VPS13B: variants seen among roughly 807,000 people sequenced by gnomAD.
The protein encoded by VPS13B is vacuolar protein sorting 13 homolog B.
In VPS13B, 285 loss-of-function variants were observed where a neutral mutation model predicts 426.4. That is an observed-to-expected ratio of 0.67 (90% CI 0.61 to 0.74). The LOEUF (loss-of-function observed/expected upper bound fraction) is 0.74, where lower values mean the gene tolerates loss of function less well. VPS13B is among the 30% of genes least tolerant of loss of function. The pLI is 0.00. For synonymous variants in VPS13B, 1,676 were observed against 1,676.4 expected (o/e 1.00, Z 0.01); for missense variants, 4,537 against 4,782.6 (o/e 0.95, Z 1.51).
rs1817720406 is a variant in VPS13B, at chr8:99,442,425, T to C, written c.3235T>C (p.Phe1079Leu). Reference sequence around the variant, plus strand: ...GCTTGAAGTACAATCTTGTTGTGTGTTTATTCCAAATGATAGCCTGCCTTC... The same window carrying C: ...GCTTGAAGTACAATCTTGTTGTGTGCTTATTCCAAATGATAGCCTGCCTTC... ...LQLEVQSCCV[F>L]IPNDSLPSPS... Residue 1079 changes from phenylalanine (F) to leucine (L), a missense_variant, in exon 23 of 62, where the codon TTT (phenylalanine) becomes CTT (leucine). Phe to Leu is a conservative substitution (Grantham distance 22, BLOSUM62 0). This residue lies in a region of VPS13B where 4,311 missense variants were observed against 4,474.3 expected (regional missense o/e 0.96). Coordinates refer to ENST00000357162, the MANE Select transcript of VPS13B (RefSeq NM_152564.5). 1 of 1,613,966 alleles carries C rather than the reference T, an allele frequency of 6.2e-7. No individual in the cohort carries two copies. The highest frequency in any genetic ancestry group is 8.5e-7 in the Non-Finnish European group (1 of 1,179,870).
At chr8:99,530,444 A>AT (rs1294935305) in intron 30 of VPS13B, among the ~76,000 whole-genome samples, 1 of 151,944 alleles carries the variant, frequency 6.6e-6, no homozygotes, top group Non-Finnish European at 1.5e-5. Context: ...GTGAAACCCT[A>AT]TTTCTACTAA....
intron 35 of VPS13B, among the ~76,000 whole-genome samples, chr8:99,682,894 G>T (rs1374681571): frequency 1.3e-5 from 2 of 152,114 alleles, no homozygotes; most frequent in Non-Finnish European, 2.9e-5. Flanking sequence ...GAAACCTTAG[G>T]AATCTACTTG....
At chr8:99,457,071 G>A (rs570776729) in intron 23 of VPS13B, among the ~76,000 whole-genome samples, 28 of 144,300 alleles carry the variant, frequency 1.9e-4, no homozygotes, top group East Asian at 4.0e-4. Context: ...TCACTCTGTC[G>A]CCCAGGCTGG....
At position 99,699,622 on chromosome 8, in the gene VPS13B, A is replaced by C. The variant is rs940449954; in HGVS notation, c.6144A>C (p.Ala2048=). The change falls in exon 36 of 62, where the codon GCA becomes GCC. Residue 2048 remains alanine, a synonymous_variant. Coordinates refer to ENST00000357162, the MANE Select transcript of VPS13B (RefSeq NM_152564.5). ...INLFLKKIKN[A]HSLAHSEETS... ...TTTTTTTAAAGAAGATAAAAAATGC[A>C]CACAGTTTGGCACATAGTGAAGAGA... 6.2e-7 allele frequency: 1 copy of C among 1,614,152 alleles called. No homozygotes were observed. The highest frequency in any genetic ancestry group is 8.5e-7 in the Non-Finnish European group (1 of 1,180,012).
chr8:99,600,302 G>A (rs749183709), intron 33 of VPS13B, among the ~76,000 whole-genome samples: 1 of 152,042 alleles, frequency 6.6e-6, no homozygotes, highest in Non-Finnish European at 1.5e-5. Flanking sequence ...CTTGTACCTA[G>A]CTAATAATTA....
intron 19 of VPS13B, among the ~76,000 whole-genome samples, chr8:99,353,357 C>A (rs775889981): frequency 7.2e-5 from 11 of 152,142 alleles, no homozygotes; most frequent in Non-Finnish European, 1.6e-4. Flanking sequence ...GATGTAGTGA[C>A]TGTATTCTGA....
chr8:99,281,598 T>A (rs1819174430), intron 19 of VPS13B, among the ~76,000 whole-genome samples: 2 of 152,192 alleles, frequency 1.3e-5, no homozygotes, highest in African/African-American at 4.8e-5. Flanking sequence ...CTGTGAGACT[T>A]GTGGGCAAAG....
intron 16 of VPS13B, among the ~76,000 whole-genome samples, chr8:99,181,034 A>C (rs192499147): frequency 3.3e-4 from 50 of 152,316 alleles, no homozygotes; most frequent in Admixed American, 1.8e-3. Context: ...AAGCATGAAT[A>C]TCTTTTACTC....
chr8:99,326,276 T>C (rs1810253864), intron 19 of VPS13B, among the ~76,000 whole-genome samples: 1 of 152,164 alleles, frequency 6.6e-6, no homozygotes, highest in Non-Finnish European at 1.5e-5. Flanking sequence ...ATTTGTGTTA[T>C]TTACATTTTA....
intron 43 of VPS13B, among the ~76,000 whole-genome samples, chr8:99,789,154 A>T (rs896627661): frequency 6.6e-6 from 1 of 152,210 alleles, no homozygotes; most frequent in Non-Finnish European, 1.5e-5. Flanking sequence ...AACGGAAAGC[A>T]ACAGGTTTTG....
chr8:99,868,505 A>G (rs750529701), intron 59 of VPS13B, 40 bp downstream of exon 59: 2 of 1,573,278 alleles, frequency 1.3e-6, no homozygotes, highest in East Asian at 2.3e-5. Flanking sequence ...CCCAGACGTT[A>G]CTGATTTGCA....
rs1259297409 is a variant in VPS13B, at chr8:99,577,502, T to C, written c.5089T>C (p.Cys1697Arg). Residue 1697 changes from cysteine to arginine, a missense_variant, in exon 33 of 62, where the codon TGT becomes CGT. Transcript: ENST00000357162. ...ENLHTEEILVCGHSLEVNITT... is the reference protein window; with the variant it reads ...ENLHTEEILVRGHSLEVNITT... ...GTTTTTGCTTCAGGAGATTTTAGTG[T>C]GTGGCCATTCCTTAGAAGTGAATAT... The C allele has an allele frequency of 1.2e-6, 2 of 1,613,704 alleles. No homozygotes were observed. Among genetic ancestry groups the C allele is most frequent in the Non-Finnish European group, 1.7e-6 (2 of 1,179,730 alleles).
At position 99,391,624 on chromosome 8, in the gene VPS13B, G is replaced by C. The variant is rs1172967150; in HGVS notation, c.3002G>C (p.Gly1001Ala). 1.2e-6 allele frequency: 2 copies of C among 1,614,162 alleles called. No individual in the cohort carries two copies. The highest frequency in any genetic ancestry group is 3.3e-5 in the Admixed American group (2 of 60,014). ...AGGAAAGAGGATGAGGTGTCTATTG[G>C]AAGTGCCCCCTTGGCAAAGCAGCAA... Reference protein sequence around the residue: ...CRRKEDEVSIGSAPLAKQQSY... With the variant: ...CRRKEDEVSIASAPLAKQQSY... The change falls in exon 21 of 62, where the codon GGA (glycine) becomes GCA (alanine). Residue 1001 changes from glycine (G) to alanine (A), a missense_variant. By Grantham distance (60) the Gly-to-Ala change is moderately conservative (BLOSUM62 0). Transcript: ENST00000357162.
At chr8:99,620,925 G>A (rs1022109865) in intron 33 of VPS13B, among the ~76,000 whole-genome samples, 69 of 145,348 alleles carry the variant, frequency 4.7e-4, no homozygotes, top group African/African-American at 1.6e-3. Context: ...GGCGGAGTTT[G>A]CAGTGAACTG....
chr8:99,443,833 T>C (rs3105196), intron 23 of VPS13B, among the ~76,000 whole-genome samples: 42,332 of 151,998 alleles, frequency 0.28, 6,600 homozygotes, highest in East Asian at 0.44. Flanking sequence ...AGCTATATGC[T>C]GAGGAGTAAA....
Position 99,877,243 on chromosome 8 carries a change from T to TCTGA in VPS13B, c.*1580_*1583dup, listed in dbSNP as rs1394589275. ...TGGAAAGCAAGACTTAACGAACAATTCTGACTATGAAAAATGTCTCTTTCA... is the reference window on the plus strand; with the variant it reads ...TGGAAAGCAAGACTTAACGAACAATTCTGACTGACTATGAAAAATGTCTCTTTCA... On this transcript the variant is annotated 3_prime_UTR_variant, in exon 62 of 62. Coordinates refer to ENST00000357162, the MANE Select transcript of VPS13B (RefSeq NM_152564.5). 6.6e-6 allele frequency: 1 copy of TCTGA among 152,596 alleles called. No homozygotes were observed. The highest frequency in any genetic ancestry group is 2.4e-5 in the African/African-American group (1 of 41,456). 9.5% of individuals were successfully genotyped at this position (152,596 alleles called of 1,614,324 possible). A position where few individuals can be genotyped will look rare whatever the true frequency, so the allele number is the denominator to read the frequency against.
intron 24 of VPS13B, among the ~76,000 whole-genome samples, chr8:99,477,464 A>G (rs1193490772): frequency 1.3e-5 from 2 of 152,234 alleles, no homozygotes; most frequent in Non-Finnish European, 2.9e-5. Flanking sequence ...AGAATATTAT[A>G]TAGACCCATT....
intron 51 of VPS13B, among the ~76,000 whole-genome samples, chr8:99,831,186 C>T (rs11987173): frequency 0.21 from 31,196 of 150,630 alleles, 3,717 homozygotes; most frequent in African/African-American, 0.33. Flanking sequence ...GATTCTCCTG[C>T]CTCAGCCTTC....
chr8:99,861,522 G>A (rs1300637402), intron 57 of VPS13B, among the ~76,000 whole-genome samples: 2 of 152,288 alleles, frequency 1.3e-5, no homozygotes, highest in East Asian at 1.9e-4. Context: ...GGCTGGTCTC[G>A]AACTGCTAGG....
Sources: allele counts gnomAD v4.1 joint callset (sites outside exome capture counted in the v4.1 genomes callset), GRCh38; gene constraint gnomAD v4.1.1; regional missense constraint gnomAD v4.1.1; transcripts MANE v1.5; gene names NCBI Gene and HGNC (gene_info 2026-07-23, HGNC 2026-07-21).